Variants in ZNF84 observed in about 807,000 individuals in gnomAD.
The protein encoded by ZNF84 is zinc finger protein 84, also known as zinc finger protein HPF2.
ZNF84 carries 12 observed loss-of-function variants against 14.8 expected under a neutral mutation model. The observed-to-expected ratio is 0.81, with a 90% CI of 0.52 to 1.31. ZNF84 has a LOEUF of 1.31. Among genes scored for constraint, ZNF84 ranks in the 50% most tolerant of loss-of-function variants. The pLI is 0.00. For synonymous variants in ZNF84, 347 were observed against 291.1 expected, an observed-to-expected ratio of 1.19 and a Z score of -1.96; for missense variants, 859 against 878.6, an observed-to-expected ratio of 0.98 and a Z score of 0.28.
intron 4 of ZNF84, chr12:133,050,656 A>G: frequency 2.5e-6 from 1 of 398,020 alleles, no homozygotes. Context: ...ATGGTATTAT[A>G]CTAGTTACCT....
In ZNF84 at chr12:133,058,117, T is replaced by C; in HGVS notation, c.1402T>C (p.Phe468Leu). The change falls in exon 5 of 5, where the codon TTC becomes CTC. Residue 468 changes from phenylalanine (F) to leucine (L), a missense_variant. Physicochemically the swap from Phe to Leu is conservative, Grantham distance 22. Transcript: ENST00000539354. Reference protein sequence around the residue: ...PFICSKCGKAFSRKSQLVRHQ... With the variant: ...PFICSKCGKALSRKSQLVRHQ... ...TATATGCAGTAAATGTGGGAAAGCC[T>C]TCAGCAGGAAATCACAGCTCGTTAG... 6.2e-7 allele frequency: 1 copy of C among 1,613,982 alleles called. No homozygotes were observed. The highest frequency in any genetic ancestry group is 1.3e-5 in the African/African-American group (1 of 75,028).
At chr12:133,043,418 G>A (rs1292917249) in intron 2 of ZNF84, among the ~76,000 whole-genome samples, 3 of 152,144 alleles carry the variant, frequency 2.0e-5, no homozygotes, top group African/African-American at 7.2e-5. Context: ...GCCTGCCTTA[G>A]CCCCCCAAAG....
chr12:133,049,761 G>A (rs1484664831), intron 4 of ZNF84, among the ~76,000 whole-genome samples: 1 of 152,136 alleles, frequency 6.6e-6, no homozygotes, highest in Non-Finnish European at 1.5e-5. Flanking sequence ...TTACAGGTGT[G>A]AACCACTGCA....
At chr12:133,054,199 T>C (rs994803636) in intron 4 of ZNF84, among the ~76,000 whole-genome samples, 5 of 152,010 alleles carry the variant, frequency 3.3e-5, no homozygotes, top group Admixed American at 3.3e-4. Context: ...CTGGACAACA[T>C]AGGGAGACCC....
chr12:133,043,941 T>C (rs1449657917), intron 2 of ZNF84, among the ~76,000 whole-genome samples: 3 of 149,984 alleles, frequency 2.0e-5, no homozygotes, highest in Non-Finnish European at 3.0e-5. Context: ...TTTTTTTTTT[T>C]CCAGTAGAGA....
At chr12:133,052,264 C>T (rs1448109016) in intron 4 of ZNF84, among the ~76,000 whole-genome samples, 1 of 152,212 alleles carries the variant, frequency 6.6e-6, no homozygotes, top group Admixed American at 6.5e-5. Flanking sequence ...GACAGCCACC[C>T]TCTCACTATG....
chr12:133,057,703 G>C lies in ZNF84; in HGVS notation c.988G>C (p.Glu330Gln), dbSNP rs1347809203. The C allele has an allele frequency of 6.2e-7, 1 of 1,613,652 alleles. No individual in the cohort carries two copies. The highest frequency in any genetic ancestry group is 8.5e-7 in the Non-Finnish European group (1 of 1,179,960). The change falls in exon 5 of 5, where the codon GAA becomes CAA. Residue 330 changes from glutamate (E) to glutamine (Q), a missense_variant. By Grantham distance (29) the Glu-to-Gln change is conservative. Coordinates refer to ENST00000539354, the MANE Select transcript of ZNF84 (RefSeq NM_001289971.2). ...CAATGAATGTGGGAGGGCCTTTAGT[G>C]AAAAGTCCAATCTCATTAACCATCA... is the stretch of plus-strand genomic sequence containing the variant. ...GCNECGRAFS[E>Q]KSNLINHQRI...
At position 133,058,636 on chromosome 12, in the gene ZNF84, A is replaced by G. The variant is rs1230271156; in HGVS notation, c.1921A>G (p.Ser641Gly). 6.2e-7 allele frequency: 1 copy of G among 1,614,178 alleles called. No homozygotes were observed. The highest frequency in any genetic ancestry group is 8.5e-7 in the Non-Finnish European group (1 of 1,180,016). ...ECRKAFREKS[S>G]LINHQRIHTG... ...TAGAAAAGCCTTCAGGGAGAAGTCA[A>G]GTCTCATCAATCATCAGAGAATACA... The change falls in exon 5 of 5, where the codon AGT becomes GGT. Residue 641 changes from serine (S) to glycine (G), a missense_variant. Ser to Gly is a moderately conservative substitution (Grantham distance 56, BLOSUM62 0). Coordinates refer to ENST00000539354, the MANE Select transcript of ZNF84 (RefSeq NM_001289971.2).
chr12:133,059,583 T>C lies in ZNF84; in HGVS notation c.*651T>C, dbSNP rs1410512459. On this transcript the variant is annotated 3_prime_UTR_variant, in exon 5 of 5. Transcript: ENST00000539354. ...GAAGTTTTAAAAATACGTGAATAAATTGGTTATTGAAACATCTAAGACATT... is the reference window on the plus strand; with the variant it reads ...GAAGTTTTAAAAATACGTGAATAAACTGGTTATTGAAACATCTAAGACATT... The C allele has an allele frequency of 2.6e-5, 4 of 152,258 alleles. No homozygotes were observed. The highest frequency in any genetic ancestry group is 6.5e-5 in the Admixed American group (1 of 15,288). The allele number at this position is 152,258 out of a possible 1,614,324, so 9.4% of individuals were successfully genotyped here.
chr12:133,041,799 G>A (rs1469743932), intron 2 of ZNF84, among the ~76,000 whole-genome samples: 2 of 152,180 alleles, frequency 1.3e-5, no homozygotes, highest in Non-Finnish European at 2.9e-5. Context: ...TCGTTTAAAG[G>A]TAAAAGCAAA....
At chr12:133,048,372 T>C (rs1954019207) in intron 3 of ZNF84, 2 of 307,754 alleles carry the variant, frequency 6.5e-6, no homozygotes, top group South Asian at 5.5e-5. Context: ...CCACATCTTA[T>C]ACCAAGTGCT....
intron 2 of ZNF84, chr12:133,047,572 G>A (rs1954003336): frequency 1.3e-5 from 2 of 159,182 alleles, no homozygotes; most frequent in African/African-American, 4.8e-5. Context: ...GCCCGACCCT[G>A]CTTAGCTTCC....
chr12:133,055,209 A>G (rs1444520000), intron 4 of ZNF84, among the ~76,000 whole-genome samples: 3 of 152,176 alleles, frequency 2.0e-5, no homozygotes, highest in Admixed American at 6.5e-5. Context: ...TCAAGTGCCT[A>G]GAATAATTGT....
Position 133,059,565 on chromosome 12 carries a change from T to TA in ZNF84, c.*638dup, listed in dbSNP as rs1449276175. 2.6e-5 allele frequency: 4 copies of TA among 152,326 alleles called. No homozygotes were observed. The highest frequency in any genetic ancestry group is 7.2e-5 in the African/African-American group (3 of 41,456). 9.4% of individuals were successfully genotyped at this position (152,326 alleles called of 1,614,324 possible). A position where few individuals can be genotyped will look rare whatever the true frequency, so the allele number is the denominator to read the frequency against. ...ATGTTCACTTTGAAGTGTGAAGTTT[T>TA]AAAAATACGTGAATAAATTGGTTAT... On this transcript the variant is annotated 3_prime_UTR_variant, in exon 5 of 5. Coordinates refer to ENST00000539354, the MANE Select transcript of ZNF84 (RefSeq NM_001289971.2).
Position 133,056,504 on chromosome 12 carries a change from C to T in ZNF84, c.239-450C>T, listed in dbSNP as rs888984799. On this transcript the variant is annotated intron_variant, in intron 4 of 4. Transcript: ENST00000539354. The stretch of plus-strand genomic sequence containing the variant: ...TCCCAACCTCATGATCTGCCTGCCT[C>T]GGCCTCCCAAAGTGCTGGGATTACA... 2.4e-4 allele frequency among the ~76,000 whole-genome samples: 37 copies of T among 152,260 alleles called. 1 individual carries two copies. The East Asian group carries it at 5.0e-3, about 21-fold the overall frequency.
At chr12:133,045,652 A>G (rs1386425598) in intron 2 of ZNF84, among the ~76,000 whole-genome samples, 1 of 152,226 alleles carries the variant, frequency 6.6e-6, no homozygotes, top group Non-Finnish European at 1.5e-5. Flanking sequence ...AAAGAAAGAA[A>G]GAAATTTGCA....
rs1296604043 is a variant in ZNF84, at chr12:133,061,574, G to T, written c.*2642G>T. ...CAGTTACAGGGTGATGTTGTACTTT[G>T]TGATTTTTGCCCTATTTTTTCTTTC... On this transcript the variant is annotated 3_prime_UTR_variant, in exon 5 of 5. Transcript: ENST00000539354. The T allele has an allele frequency of 6.6e-6, 1 of 152,172 alleles. No homozygotes were observed. The highest frequency in any genetic ancestry group is 1.5e-5 in the Non-Finnish European group (1 of 68,018). 9.4% of individuals were successfully genotyped at this position (152,172 alleles called of 1,614,324 possible).
At position 133,062,950 on chromosome 12, in the gene ZNF84, G is replaced by A; in HGVS notation, c.*4018G>A. 1 of 617,316 alleles carries A rather than the reference G, an allele frequency of 1.6e-6. No individual in the cohort carries two copies. The highest frequency in any genetic ancestry group is 2.9e-6 in the Non-Finnish European group (1 of 346,740). 38.2% of individuals were successfully genotyped at this position (617,316 alleles called of 1,614,324 possible). On this transcript the variant is annotated 3_prime_UTR_variant, in exon 5 of 5. Coordinates refer to ENST00000539354, the MANE Select transcript of ZNF84 (RefSeq NM_001289971.2). ...TGAATCTATATGAACCTGTACGTGT[G>A]TTTCTCACTGTGATAATATAATCAT...
Position 133,062,188 on chromosome 12 carries a change from C to G in ZNF84, c.*3256C>G, listed in dbSNP as rs1954276068. Reference sequence around the variant, plus strand: ...ACAAAGGACAATTGACATTGTTTTCCTTTTACTAAGTAGTGGGTTTTCCTT... The same window carrying G: ...ACAAAGGACAATTGACATTGTTTTCGTTTTACTAAGTAGTGGGTTTTCCTT... On this transcript the variant is annotated 3_prime_UTR_variant, in exon 5 of 5. Coordinates refer to ENST00000539354, the MANE Select transcript of ZNF84 (RefSeq NM_001289971.2). 6.6e-6 allele frequency: 1 copy of G among 152,142 alleles called. No homozygotes were observed. Among genetic ancestry groups the G allele is most frequent in the African/African-American group, 2.4e-5 (1 of 41,426 alleles). The allele number at this position is 152,142 out of a possible 1,614,324, so 9.4% of individuals were successfully genotyped here.
Sources: allele counts gnomAD v4.1 joint callset (sites outside exome capture counted in the v4.1 genomes callset), GRCh38; gene constraint gnomAD v4.1.1; transcripts MANE v1.5; gene names NCBI Gene and HGNC (gene_info 2026-07-23, HGNC 2026-07-21).